CNIH3: variants seen among roughly 807,000 people sequenced by gnomAD.
The protein encoded by CNIH3 is cornichon family AMPA receptor auxiliary protein 3.
Under a neutral mutation model 24.1 loss-of-function variants are expected in CNIH3, and 14 were observed. The observed-to-expected ratio is 0.58, with a 90% CI of 0.38 to 0.91. The LOEUF is 0.91. CNIH3 is among the 40% of genes least tolerant of loss of function. The probability of loss-of-function intolerance (pLI) is 0.00; values close to 1 mark genes in which losing one functional copy is unlikely to be tolerated. For synonymous variants in CNIH3, 68 were observed against 73.8 expected (o/e 0.92, Z 0.40); for missense variants, 178 against 196.8 (o/e 0.90, Z 0.57).
chr1:224,440,796 T>G (rs1674868294), intron 1 of CNIH3, among the ~76,000 whole-genome samples: 1 of 152,130 alleles, frequency 6.6e-6, no homozygotes, highest in South Asian at 2.1e-4. Flanking sequence ...TGTTTGAATT[T>G]TACAGCTGTA....
At chr1:224,662,272 G>A (rs562417765) in intron 1 of CNIH3, among the ~76,000 whole-genome samples, 2 of 152,202 alleles carry the variant, frequency 1.3e-5, no homozygotes, top group East Asian at 1.9e-4. Flanking sequence ...TCTAGATTAC[G>A]TATGAGAGCT....
At chr1:224,435,036 C>G (rs1053696933) in intron 1 of CNIH3, 1 of 985,452 alleles carries the variant, frequency 1.0e-6, no homozygotes, top group African/African-American at 1.7e-5. Flanking sequence ...CGCCCTGGCT[C>G]GGCTGGCTCG....
At chr1:224,586,799 G>A (rs746315424) in intron 5 of CNIH3, among the ~76,000 whole-genome samples, 1 of 152,148 alleles carries the variant, frequency 6.6e-6, no homozygotes, top group Non-Finnish European at 1.5e-5. Flanking sequence ...GAAGAGGAGA[G>A]GACACCCAGA....
At chr1:224,621,718 C>G (rs1482485654) in intron 1 of CNIH3, among the ~76,000 whole-genome samples, 1 of 152,230 alleles carries the variant, frequency 6.6e-6, no homozygotes, top group Non-Finnish European at 1.5e-5. Context: ...GTGCCTGACA[C>G]ATAGAGAGTG....
chr1:224,729,936 G>A (rs1429509943), intron 3 of CNIH3, among the ~76,000 whole-genome samples: 1 of 152,100 alleles, frequency 6.6e-6, no homozygotes, highest in Non-Finnish European at 1.5e-5. Flanking sequence ...CCACCATCAG[G>A]CAAAATGCCA....
At chr1:224,679,704 T>C (rs896032011) in intron 1 of CNIH3, among the ~76,000 whole-genome samples, 7 of 152,232 alleles carry the variant, frequency 4.6e-5, no homozygotes, top group Admixed American at 4.6e-4. Flanking sequence ...CAGGATGACA[T>C]ATGACTGCTT....
At position 224,680,985 on chromosome 1, in the gene CNIH3, G is replaced by T. The variant is rs1293458821; in HGVS notation, c.109G>T (p.Asp37Tyr). The change falls in exon 2 of 6, where the codon GAT becomes TAT. Residue 37 changes from aspartate to tyrosine, a missense_variant. Physicochemically the swap from Asp to Tyr is radical, Grantham distance 160. Transcript: ENST00000272133. The stretch of plus-strand genomic sequence containing the variant: ...AATTGCCTTTGATGAGTTAAGGACA[G>T]ATTTTAAGAGCCCCATAGACCAGTG... ...HIIAFDELRT[D>Y]FKSPIDQCNP... 1 of 1,614,164 alleles carries T rather than the reference G, an allele frequency of 6.2e-7. No individual in the cohort carries two copies. The highest frequency in any genetic ancestry group is 8.5e-7 in the Non-Finnish European group (1 of 1,179,974).
At chr1:224,662,038 A>G (rs1329072553) in intron 1 of CNIH3, among the ~76,000 whole-genome samples, 1 of 152,240 alleles carries the variant, frequency 6.6e-6, no homozygotes, top group African/African-American at 2.4e-5. Context: ...TTGAGTGACG[A>G]TCTAGGAAGC....
At chr1:224,474,869 A>G (rs1415002760) in intron 1 of CNIH3, among the ~76,000 whole-genome samples, 1 of 44,850 alleles carries the variant, frequency 2.2e-5, no homozygotes, top group Non-Finnish European at 5.9e-5. Context: ...CTACTAAAAA[A>G]TACAAAAAAA....
At chr1:224,578,363 T>G (rs1681126182) in intron 4 of CNIH3, among the ~76,000 whole-genome samples, 1 of 152,174 alleles carries the variant, frequency 6.6e-6, no homozygotes, top group Non-Finnish European at 1.5e-5. Context: ...TTCCAACAAT[T>G]TCATCTTCTT....
rs541791497 is a variant in CNIH3 at position 224,658,866 on chromosome 1, C to G, written c.82-22092C>G. Among the ~76,000 whole-genome samples the G allele has an allele frequency of 5.9e-5, 9 of 152,256 alleles. No individual in the cohort carries two copies. The South Asian group carries it at 1.7e-3, about 28-fold the overall frequency. On this transcript the variant is annotated intron_variant, in intron 1 of 5. Coordinates refer to ENST00000272133, the MANE Select transcript of CNIH3 (RefSeq NM_152495.2). The stretch of plus-strand genomic sequence containing the variant: ...AATGTTAAAGCTAAGTTCAGTAAAA[C>G]CTTATAAACAATTTTATCTAATTTT...
chr1:224,683,168 C>A (rs760216758), intron 2 of CNIH3, among the ~76,000 whole-genome samples: 58 of 152,256 alleles, frequency 3.8e-4, no homozygotes, highest in Non-Finnish European at 8.2e-4. Context: ...GAAGTTAAAT[C>A]TCAATTCACT....
intron 4 of CNIH3, among the ~76,000 whole-genome samples, chr1:224,572,645 A>G (rs1484053108): frequency 1.4e-5 from 2 of 144,346 alleles, no homozygotes; most frequent in Non-Finnish European, 3.0e-5. Context: ...TTTTTTTTTT[A>G]ATATTTCTGC....
intron 5 of CNIH3, among the ~76,000 whole-genome samples, chr1:224,735,559 GGTCGGGAT>G (rs1478737140): frequency 6.6e-6 from 1 of 152,216 alleles, no homozygotes; most frequent in African/African-American, 2.4e-5. Flanking sequence ...GAGGAGGAGG[GGTCGGGAT>G]GTTGGACTGC....
At chr1:224,500,026 C>T (rs1473059026) in intron 1 of CNIH3, among the ~76,000 whole-genome samples, 2 of 151,878 alleles carry the variant, frequency 1.3e-5, no homozygotes, top group Non-Finnish European at 2.9e-5. Flanking sequence ...CTTTTTGAGA[C>T]AGGATCTTAC....
At chr1:224,459,488 A>C (rs1341784550) in intron 1 of CNIH3, among the ~76,000 whole-genome samples, 2 of 152,238 alleles carry the variant, frequency 1.3e-5, no homozygotes, top group Non-Finnish European at 2.9e-5. Context: ...CAGTAAAGAA[A>C]GAAATAACAA....
At position 224,690,869 on chromosome 1, in the gene CNIH3, G is replaced by T. The variant is rs538778181; in HGVS notation, c.198+6026G>T. Reference sequence around the variant, plus strand: ...GGTATAGTACCGGAAATGCAGTGGTGATATGACCACCGGTGCTCCCACTAA... The same window carrying T: ...GGTATAGTACCGGAAATGCAGTGGTTATATGACCACCGGTGCTCCCACTAA... On this transcript the variant is annotated intron_variant, in intron 3 of 5. Coordinates refer to ENST00000272133, the MANE Select transcript of CNIH3 (RefSeq NM_152495.2). Among the ~76,000 whole-genome samples, 1,001 of 152,216 alleles carry T rather than the reference G, an allele frequency of 6.6e-3. 11 individuals are homozygous for T. The highest frequency in any genetic ancestry group is 0.023 in the African/African-American group (935 of 41,528).
chr1:224,570,273 T>G (rs1372409222), intron 4 of CNIH3, among the ~76,000 whole-genome samples: 1 of 152,202 alleles, frequency 6.6e-6, no homozygotes, highest in Non-Finnish European at 1.5e-5. Context: ...CTGTCACCCA[T>G]GTAGTGAGCA....
chr1:224,712,950 A>G (rs1025937650), intron 3 of CNIH3, among the ~76,000 whole-genome samples: 2 of 152,200 alleles, frequency 1.3e-5, no homozygotes, highest in Admixed American at 1.3e-4. Flanking sequence ...TAAGTTGCCA[A>G]ATGTCTCAGA....
Sources: allele counts gnomAD v4.1 joint callset (sites outside exome capture counted in the v4.1 genomes callset), GRCh38; gene constraint gnomAD v4.1.1; transcripts MANE v1.5; gene names NCBI Gene and HGNC (gene_info 2026-07-23, HGNC 2026-07-21).